Variants in AP3B2 observed in about 807,000 individuals in gnomAD.
AP3B2 encodes the protein adaptor related protein complex 3 subunit beta 2.
A neutral mutation model predicts 126.9 loss-of-function variants in AP3B2; 50 were observed. That is an observed-to-expected ratio of 0.39 (90% CI 0.31 to 0.50). AP3B2 has a LOEUF of 0.50. AP3B2 is among the 20% of genes least tolerant of loss of function. AP3B2 has a pLI of 0.79. For missense variants in AP3B2, 1,177 were observed against 1,426.4 expected, an observed-to-expected ratio of 0.83 and a Z score of 2.82; for synonymous variants, 541 against 565.0, an observed-to-expected ratio of 0.96 and a Z score of 0.60.
At chr15:82,687,954 T>C (rs1567269347) in intron 4 of AP3B2, 2 of 154,740 alleles carry the variant, frequency 1.3e-5, no homozygotes, top group African/African-American at 2.4e-5. Context: ...ACAAAAAAAT[T>C]AGCCGAGCAT....
At chr15:82,676,244 T>C (rs2048240502) in intron 14 of AP3B2, among the ~76,000 whole-genome samples, 1 of 152,122 alleles carries the variant, frequency 6.6e-6, no homozygotes, top group Non-Finnish European at 1.5e-5. Context: ...GGTCACAGCT[T>C]CATAGGAGAG....
intron 1 of AP3B2, among the ~76,000 whole-genome samples, chr15:82,702,775 A>T (rs1213286636): frequency 6.6e-6 from 1 of 152,156 alleles, no homozygotes; most frequent in African/African-American, 2.4e-5. Context: ...ACGTGCGTGA[A>T]ATTTGGTGCC....
chr15:82,662,119 G>A lies in AP3B2; in HGVS notation c.2918+49C>T, dbSNP rs941126269. On this transcript the variant is annotated intron_variant, in intron 24 of 26. Transcript: ENST00000535359. ...TCCATTTCCAGTTCATTGTTACCCTGTCCCTTTCCAGCCCATCCTCTCACC... is the reference window on the plus strand; with the variant it reads ...TCCATTTCCAGTTCATTGTTACCCTATCCCTTTCCAGCCCATCCTCTCACC... 19 of 1,509,302 alleles carry A rather than the reference G, an allele frequency of 1.3e-5. No individual in the cohort carries two copies. The African/African-American group carries it at 2.6e-4, about 21-fold the overall frequency. The allele number at this position is 1,509,302 out of a possible 1,614,324, so 93.5% of individuals were successfully genotyped here.
chr15:82,659,831 T>C lies in AP3B2; in HGVS notation c.3155+14A>G, dbSNP rs1357385251. ...CCCATGCTCATCATTTCCCCTCTAC[T>C]GGTGGCCTAGTACCTGTACTCATCA... On this transcript the variant is annotated intron_variant, in intron 26 of 26. Transcript: ENST00000535359. 1 of 1,613,258 alleles carries C rather than the reference T, an allele frequency of 6.2e-7. No individual in the cohort carries two copies. The highest frequency in any genetic ancestry group is 1.1e-5 in the South Asian group (1 of 91,062).
At position 82,709,734 on chromosome 15, in the gene AP3B2, A is replaced by G; in HGVS notation, c.-28T>C. 6.9e-7 allele frequency: 1 copy of G among 1,448,418 alleles called. No homozygotes were observed. Among genetic ancestry groups the G allele is most frequent in the Non-Finnish European group, 9.1e-7 (1 of 1,096,450 alleles). The allele number at this position is 1,448,418 out of a possible 1,614,324, so 89.7% of individuals were successfully genotyped here. On this transcript the variant is annotated 5_prime_UTR_variant, in exon 1 of 27. Coordinates refer to ENST00000535359, the MANE Select transcript of AP3B2 (RefSeq NM_001278512.2). ...GGCGGCCAGGGAGACTTCGCCGAGG[A>G]GGAGGTTGCGGGGCCGGAGGCCGGC... is the stretch of plus-strand genomic sequence containing the variant.
At chr15:82,706,915 G>GATTT (rs754636913) in intron 1 of AP3B2, among the ~76,000 whole-genome samples, 7 of 152,276 alleles carry the variant, frequency 4.6e-5, no homozygotes, top group Non-Finnish European at 7.4e-5. Flanking sequence ...CAAGCCTGGG[G>GATTT]ATTTGCCTCT....
chr15:82,704,389 T>G (rs138998945), intron 1 of AP3B2, among the ~76,000 whole-genome samples: 2,895 of 151,790 alleles, frequency 0.019, 36 homozygotes, highest in Non-Finnish European at 0.028. Context: ...CAAGTAGCAA[T>G]GTATTTCTGA....
At chr15:82,682,338 C>T (rs184370887) in intron 4 of AP3B2, among the ~76,000 whole-genome samples, 1 of 152,232 alleles carries the variant, frequency 6.6e-6, no homozygotes, top group Non-Finnish European at 1.5e-5. Context: ...CAGACGTGAG[C>T]CACCACGCCC....
chr15:82,693,629 CAA>C (rs1467972732), intron 1 of AP3B2, among the ~76,000 whole-genome samples: 47 of 147,544 alleles, frequency 3.2e-4, no homozygotes, highest in Non-Finnish European at 1.7e-4. Context: ...TTTTTAAATA[CAA>C]AAGAAGGAAG....
intron 4 of AP3B2, among the ~76,000 whole-genome samples, chr15:82,683,052 T>TTTTTTTG (rs2048369747): frequency 1.3e-5 from 1 of 74,300 alleles, no homozygotes; most frequent in Non-Finnish European, 2.3e-5. Flanking sequence ...CAGGAGTTTT[T>TTTTTTTG]TTTTTTTTTT....
intron 11 of AP3B2, 148 bp from the exon 12 acceptor site, chr15:82,677,951 T>C (rs1244619182): frequency 2.2e-6 from 3 of 1,339,078 alleles, no homozygotes; most frequent in East Asian, 5.0e-5. Context: ...AATCCAGTGA[T>C]TCCTTGGCCC....
chr15:82,677,844 G>A, intron 11 of AP3B2, 41 bp from the exon 12 acceptor site: 1 of 1,547,442 alleles, frequency 6.5e-7, no homozygotes, highest in Non-Finnish European at 8.7e-7. Flanking sequence ...GACTCTGCAG[G>A]CTTGAGGGTG....
intron 14 of AP3B2, among the ~76,000 whole-genome samples, 198 bp downstream of exon 14, chr15:82,676,263 A>G (rs1278260355): frequency 3.3e-5 from 5 of 152,160 alleles, no homozygotes; most frequent in African/African-American, 9.7e-5. Flanking sequence ...AGTCTCTTCA[A>G]CAGTGACCAC....
rs1403133571 is a variant in AP3B2, at chr15:82,680,457, G to T, written c.1055+15C>A. 1.4e-6 allele frequency: 2 copies of T among 1,472,880 alleles called. No homozygotes were observed. The highest frequency in any genetic ancestry group is 2.8e-5 in the African/African-American group (2 of 70,468). The allele number at this position is 1,472,880 out of a possible 1,614,324, so 91.2% of individuals were successfully genotyped here. On this transcript the variant is annotated intron_variant, in intron 8 of 26. Transcript: ENST00000535359. The surrounding 1 kb of genome is among the most constrained non-coding windows in gnomAD (Gnocchi z 6.1). ...AGGAGGCGAGGGAGGGGGCGGGGCT[G>T]GGGGCGGAGCGCACCTGTGGCTGCG...
Position 82,709,649 on chromosome 15 carries a change from G to C in AP3B2, c.58C>G (p.Pro20Ala), listed in dbSNP as rs1273805924. 7.9e-6 allele frequency: 12 copies of C among 1,519,322 alleles called. No homozygotes were observed. The highest frequency in any genetic ancestry group is 8.8e-6 in the Non-Finnish European group (10 of 1,136,364). 94.1% of individuals were successfully genotyped at this position (1,519,322 alleles called of 1,614,324 possible). A position where few individuals can be genotyped will look rare whatever the true frequency, so the allele number is the denominator to read the frequency against. ...DKGGSAGPGE[P>A]EYGHDPASGG... ...CTCGCGGGGTCGTGGCCGTACTCGG[G>C]CTCCCCGGGGCCAGCGGAGCCGCCC... The change falls in exon 1 of 27, where the codon CCC (proline) becomes GCC (alanine). Residue 20 changes from proline to alanine, a missense_variant. Transcript: ENST00000535359.
At chr15:82,678,499 C>T (rs2048280094) in intron 10 of AP3B2, among the ~76,000 whole-genome samples, 1 of 152,168 alleles carries the variant, frequency 6.6e-6, no homozygotes, top group African/African-American at 2.4e-5. Context: ...TGCTTGCTGT[C>T]TACCTCCCAT....
Position 82,700,397 on chromosome 15 carries a change from C to CTTTTTT in AP3B2, c.113+9191_113+9196dup, listed in dbSNP as rs1226910164. 4.7e-3 allele frequency among the ~76,000 whole-genome samples: 166 copies of CTTTTTT among 35,088 alleles called. 59 individuals carry two copies. In the East Asian group the frequency reaches 0.06, roughly 13 times the overall value. 23.0% of individuals were successfully genotyped at this position (35,088 alleles called of 152,430 possible). Reference sequence around the variant, plus strand: ...CCACTGGCCTGCCAGTGGTGGGTGGCTTTTTTTTTTTTTTTTTTCAGATGG... The same window carrying CTTTTTT: ...CCACTGGCCTGCCAGTGGTGGGTGGCTTTTTTTTTTTTTTTTTTTTTTTTCAGATGG... On this transcript the variant is annotated intron_variant, in intron 1 of 26. Transcript: ENST00000535359.
chr15:82,676,395 A>G, intron 14 of AP3B2, 66 bp downstream of exon 14: 1 of 1,543,268 alleles, frequency 6.5e-7, no homozygotes, highest in East Asian at 2.3e-5. Context: ...AGGGAGGGCC[A>G]AAAGAATACT....
At position 82,659,865 on chromosome 15, in the gene AP3B2, A is replaced by C; in HGVS notation, c.3135T>G (p.Cys1045Trp). ...AGTACCTGTACTCATCAGATGTCCC[A>C]CAAGGAACACGACCCAGGTTGGCAG... The part of the protein sequence containing the change: ...TATANLGRVP[C>W]GTSDEYRFAG... Residue 1045 changes from cysteine (C) to tryptophan (W), a missense_variant, in exon 26 of 27, where the codon TGT becomes TGG. By Grantham distance (215) the Cys-to-Trp change is radical (BLOSUM62 -2). Around this residue, in one of 5 missense-constraint regions of AP3B2, gnomAD observed 587 missense variants for 571.3 expected, o/e 1.03. Transcript: ENST00000535359. 1 of 1,613,980 alleles carries C rather than the reference A, an allele frequency of 6.2e-7. No homozygotes were observed. Among genetic ancestry groups the C allele is most frequent in the African/African-American group, 1.3e-5 (1 of 75,042 alleles).
Sources: allele counts gnomAD v4.1 joint callset (sites outside exome capture counted in the v4.1 genomes callset), GRCh38; gene constraint gnomAD v4.1.1; regional missense constraint gnomAD v4.1.1; non-coding constraint Gnocchi (gnomAD v3.1); transcripts MANE v1.5; gene names NCBI Gene and HGNC (gene_info 2026-07-23, HGNC 2026-07-21).